The following CNST variants were observed in gnomAD, a reference collection of about 807,000 sequenced individuals.
CNST encodes consortin, connexin sorting protein.
In CNST, 39 loss-of-function variants were observed where a neutral mutation model predicts 72.4. The ratio of observed to expected loss-of-function variants is 0.54; its 90% CI spans 0.42 to 0.70. CNST has a LOEUF of 0.70. CNST is among the 30% of genes least tolerant of loss of function. CNST has a pLI of 0.00. For missense variants in CNST, 871 were observed against 868.5 expected (o/e 1.00, Z -0.04); for synonymous variants, 332 against 320.1 (o/e 1.04, Z -0.40).
chr1:246,612,392 G>T (rs1019909447), intron 2 of CNST, among the ~76,000 whole-genome samples: 1 of 151,920 alleles, frequency 6.6e-6, no homozygotes, highest in Non-Finnish European at 1.5e-5. Context: ...TAGTAGAGAC[G>T]GAGTTTCGCC....
chr1:246,599,090 T>C (rs773403041), intron 2 of CNST, among the ~76,000 whole-genome samples: 1 of 150,432 alleles, frequency 6.6e-6, no homozygotes, highest in Admixed American at 6.7e-5. Context: ...CTAGTAAGAA[T>C]AGAATAAAGA....
intron 9 of CNST, among the ~76,000 whole-genome samples, chr1:246,658,721 ACTGATGCCAGCAAGTCACTGGC>A (rs143812931): frequency 0.19 from 27,590 of 148,650 alleles, 2,946 homozygotes; most frequent in Non-Finnish European, 0.22. Flanking sequence ...CCAGCAAGTC[ACTGATGCCAGCAAGTCACTGGC>A]CTGATGCCAG....
intron 6 of CNST, among the ~76,000 whole-genome samples, chr1:246,635,289 A>C (rs145577819): frequency 6.6e-6 from 1 of 151,562 alleles, no homozygotes; most frequent in African/African-American, 2.4e-5. Flanking sequence ...CATCGTCTGG[A>C]TTGTCTGGCG....
Position 246,666,075 on chromosome 1 carries a change from C to T in CNST, c.*170C>T. On this transcript the variant is annotated 3_prime_UTR_variant, in exon 11 of 11. Coordinates refer to ENST00000366513, the MANE Select transcript of CNST (RefSeq NM_152609.3). ...GCCGGAGGAACTCTGTTAGAATAAT[C>T]CACACAGTGAGGCAAATATCAATCT... 2 of 588,764 alleles carry T rather than the reference C, an allele frequency of 3.4e-6. No homozygotes were observed. Among genetic ancestry groups the T allele is most frequent in the Non-Finnish European group, 3.0e-6 (1 of 331,110 alleles). The allele number at this position is 588,764 out of a possible 1,614,324, so 36.5% of individuals were successfully genotyped here.
rs1664087220 is a variant in CNST at position 246,621,481 on chromosome 1, A to T, written c.432A>T (p.Ala144=). 1 of 1,614,106 alleles carries T rather than the reference A, an allele frequency of 6.2e-7. No individual in the cohort carries two copies. The highest frequency in any genetic ancestry group is 1.3e-5 in the African/African-American group (1 of 74,946). ...APLMQEKVLS[A]VTYAVDDEEA... Reference sequence around the variant, plus strand: ...TAATGCAAGAAAAAGTACTAAGCGCAGTCACATATGCTGTTGATGATGAAG... The same window carrying T: ...TAATGCAAGAAAAAGTACTAAGCGCTGTCACATATGCTGTTGATGATGAAG... The change falls in exon 3 of 11, where the codon GCA becomes GCT. Residue 144 remains alanine (A), a synonymous_variant. Transcript: ENST00000366513.
Position 246,588,427 on chromosome 1 carries a change from T to C in CNST, c.-51-3085T>C, listed in dbSNP as rs538098943. Among the ~76,000 whole-genome samples, 4 of 152,288 alleles carry C rather than the reference T, an allele frequency of 2.6e-5. No homozygotes were observed. In the East Asian group the frequency reaches 7.7e-4, roughly 29 times the overall value. On this transcript the variant is annotated intron_variant, in intron 1 of 10. Coordinates refer to ENST00000366513, the MANE Select transcript of CNST (RefSeq NM_152609.3). The stretch of plus-strand genomic sequence containing the variant: ...CCACAAGTATTTGCATTTGTTTAAT[T>C]ACAGTAATAATAATATCTATATCCA...
intron 1 of CNST, among the ~76,000 whole-genome samples, chr1:246,568,872 A>G (rs1659886380): frequency 1.3e-5 from 2 of 152,034 alleles, no homozygotes; most frequent in Admixed American, 6.5e-5. Context: ...CCTTTAAAAT[A>G]CTTTTTTTCT....
In CNST at chr1:246,599,841, G is replaced by GTAC. The variant is rs972956928; in HGVS notation, c.379+7901_379+7903dup. Reference sequence around the variant, plus strand: ...TTTTCTGACATTATTTTGTAGACCCGTACAGGATTACATAGTCAATAGATA... The same window carrying GTAC: ...TTTTCTGACATTATTTTGTAGACCCGTACTACAGGATTACATAGTCAATAGATA... On this transcript the variant is annotated intron_variant, in intron 2 of 10. Coordinates refer to ENST00000366513, the MANE Select transcript of CNST (RefSeq NM_152609.3). Among the ~76,000 whole-genome samples, 61 of 152,106 alleles carry GTAC rather than the reference G, an allele frequency of 4.0e-4. 1 individual carries two copies. Among genetic ancestry groups the GTAC allele is most frequent in the Non-Finnish European group, 5.9e-5 (4 of 68,026 alleles).
chr1:246,649,788 G>A (rs1053366357), intron 9 of CNST, among the ~76,000 whole-genome samples: 1 of 150,612 alleles, frequency 6.6e-6, no homozygotes, highest in Admixed American at 6.7e-5. Flanking sequence ...TTCAATTTTT[G>A]CTTCTGCCTG....
Position 246,566,578 on chromosome 1 carries a change from C to G in CNST, c.-137C>G. ...GGGGAGACCCGAGCAAGCTCCGTGA[C>G]AGCACGTCGGCCGCCATGTCGCCGA... is the stretch of plus-strand genomic sequence containing the variant. On this transcript the variant is annotated 5_prime_UTR_variant, in exon 1 of 11. Coordinates refer to ENST00000366513, the MANE Select transcript of CNST (RefSeq NM_152609.3). 1 of 404,590 alleles carries G rather than the reference C, an allele frequency of 2.5e-6. No homozygotes were observed. The highest frequency in any genetic ancestry group is 4.4e-6 in the Non-Finnish European group (1 of 228,608). 25.1% of individuals were successfully genotyped at this position (404,590 alleles called of 1,614,324 possible).
intron 1 of CNST, among the ~76,000 whole-genome samples, chr1:246,576,013 T>A (rs1660382677): frequency 6.6e-6 from 1 of 151,028 alleles, no homozygotes; most frequent in Non-Finnish European, 1.5e-5. Context: ...GGCGAGCAGA[T>A]CACTTGAGGT....
intron 9 of CNST, among the ~76,000 whole-genome samples, chr1:246,651,619 A>G (rs1210331749): frequency 6.6e-6 from 1 of 152,200 alleles, no homozygotes; most frequent in East Asian, 1.9e-4. Context: ...AAATGTCTAT[A>G]CTATTTATAT....
At position 246,660,209 on chromosome 1, in the gene CNST, C is replaced by T; in HGVS notation, c.1847C>T (p.Thr616Ile). Residue 616 changes from threonine (T) to isoleucine (I), a missense_variant, in exon 10 of 11, where the codon ACT (threonine) becomes ATT (isoleucine). Physicochemically the swap from Thr to Ile is moderately conservative, Grantham distance 89. Coordinates refer to ENST00000366513, the MANE Select transcript of CNST (RefSeq NM_152609.3). ...TATAATTTCTGACAGGTTGTTCCTACTGAAGGATTGGTCTCCATATTAAAG... is the reference window on the plus strand; with the variant it reads ...TATAATTTCTGACAGGTTGTTCCTATTGAAGGATTGGTCTCCATATTAAAG... ...KRIEIAEVVP[T>I]EGLVSILKKR... 1.2e-6 allele frequency: 2 copies of T among 1,608,972 alleles called. No homozygotes were observed. The highest frequency in any genetic ancestry group is 1.7e-6 in the Non-Finnish European group (2 of 1,178,162).
intron 10 of CNST, among the ~76,000 whole-genome samples, chr1:246,661,118 T>C (rs1161213056): frequency 1.1e-4 from 17 of 152,080 alleles, no homozygotes; most frequent in Non-Finnish European, 1.8e-4. Context: ...TACAGGCACA[T>C]GCCACCACGC....
At chr1:246,649,935 C>T (rs564966033) in intron 9 of CNST, among the ~76,000 whole-genome samples, 30 of 151,578 alleles carry the variant, frequency 2.0e-4, no homozygotes, top group African/African-American at 7.3e-4. Context: ...AGGGTCTTGT[C>T]GTGGATGTAT....
At chr1:246,608,729 C>T (rs534015718) in intron 2 of CNST, among the ~76,000 whole-genome samples, 2 of 152,244 alleles carry the variant, frequency 1.3e-5, no homozygotes, top group South Asian at 4.2e-4. Flanking sequence ...GCTCTTGTTC[C>T]CACGCATTTT....
At chr1:246,652,262 T>C (rs1391628761) in intron 9 of CNST, among the ~76,000 whole-genome samples, 2 of 152,178 alleles carry the variant, frequency 1.3e-5, no homozygotes, top group Admixed American at 1.3e-4. Flanking sequence ...AGCCTGAGAC[T>C]CAGAGGGAGC....
chr1:246,575,961 C>T (rs1362594931), intron 1 of CNST, among the ~76,000 whole-genome samples: 5 of 150,756 alleles, frequency 3.3e-5, no homozygotes, highest in Middle Eastern at 3.2e-3. Context: ...CGCGGTGGCT[C>T]GCGCCTGTAA....
In CNST at chr1:246,647,610, C is replaced by T. The variant is rs145890214; in HGVS notation, c.1409C>T (p.Ala470Val). The T allele has an allele frequency of 1.4e-5, 22 of 1,614,036 alleles. No homozygotes were observed. The Middle Eastern group carries it at 9.9e-4, about 72-fold the overall frequency. Reference sequence around the variant, plus strand: ...TTGCCACTTCGGGATGCTTCTGAGGCGTTGCCCACAGACCAACTTGAGAAC... The same window carrying T: ...TTGCCACTTCGGGATGCTTCTGAGGTGTTGCCCACAGACCAACTTGAGAAC... ...LRLPLRDASEALPTDQLENNE... is the reference protein window; with the variant it reads ...LRLPLRDASEVLPTDQLENNE... The change falls in exon 9 of 11, where the codon GCG becomes GTG. Residue 470 changes from alanine (A) to valine (V), a missense_variant. Transcript: ENST00000366513.
Sources: allele counts gnomAD v4.1 joint callset (sites outside exome capture counted in the v4.1 genomes callset), GRCh38; gene constraint gnomAD v4.1.1; transcripts MANE v1.5; gene names NCBI Gene and HGNC (gene_info 2026-07-23, HGNC 2026-07-21).